NOTCH2NLA: variants seen among roughly 807,000 people sequenced by gnomAD.
NOTCH2NLA encodes notch 2 N-terminal like A, also known as notch homolog 2 N-terminal-like protein A.
At chr1:146,154,006 T>TACACACACACACACACAC (rs376685172), downstream of NOTCH2NLA, 2 of 91,368 alleles carry the variant, frequency 2.2e-5, no homozygotes, top group Non-Finnish European at 4.5e-5. Flanking sequence ...CACAACGCCA[T>TACACACACACACACACAC]ACACACACAC....
At chr1:146,194,914 A>G (rs587626773) in intron 1 of NOTCH2NLA, among the ~76,000 whole-genome samples, 3 of 112,548 alleles carry the variant, frequency 2.7e-5, no homozygotes, top group South Asian at 5.8e-4. Context: ...TCCTCCATGC[A>G]TGTCTGTGCT....
chr1:146,153,063 AC>A (rs1195803308), downstream of NOTCH2NLA: 3 of 61,442 alleles, frequency 4.9e-5, no homozygotes, highest in Admixed American at 6.2e-4. Context: ...GTATACAAGG[AC>A]AAAAGGAGAG....
In NOTCH2NLA at chr1:146,175,595, CAT is replaced by C. The variant is rs1305200199; in HGVS notation, c.39-10587_39-10586del. Among the ~76,000 whole-genome samples, 7 of 142,212 alleles carry C rather than the reference CAT, an allele frequency of 4.9e-5. 1 individual carries two copies. Among genetic ancestry groups the C allele is most frequent in the Admixed American group, 2.2e-4 (3 of 13,728 alleles). 93.3% of individuals were successfully genotyped at this position (142,212 alleles called of 152,430 possible). A position where few individuals can be genotyped will look rare whatever the true frequency, so the allele number is the denominator to read the frequency against. On this transcript the variant is annotated intron_variant, in intron 2 of 4. Transcript: ENST00000362074. Reference sequence around the variant, plus strand: ...TCACTCTCACACACGTACACACACACATACACACTTTTATCACAACCAATACA... The same window carrying C: ...TCACTCTCACACACGTACACACACACACACACTTTTATCACAACCAATACA...
At chr1:146,154,006 T>TATACACACACAC (rs1331429274), downstream of NOTCH2NLA, 1 of 91,368 alleles carries the variant, frequency 1.1e-5, no homozygotes, top group African/African-American at 4.5e-5. Context: ...CACAACGCCA[T>TATACACACACAC]ACACACACAC....
intron 2 of NOTCH2NLA, among the ~76,000 whole-genome samples, chr1:146,172,829 T>C (rs1553807297): frequency 6.9e-6 from 1 of 145,254 alleles, no homozygotes; most frequent in African/African-American, 2.4e-5. Context: ...AGACCCTGTC[T>C]TGAACCCTTG....
At chr1:146,174,524 C>T (rs1322284210) in intron 2 of NOTCH2NLA, among the ~76,000 whole-genome samples, 2 of 147,386 alleles carry the variant, frequency 1.4e-5, no homozygotes, top group Non-Finnish European at 3.0e-5. Flanking sequence ...TACAAAACAG[C>T]TATTTCAAAG....
In NOTCH2NLA at chr1:146,180,325, T is replaced by A. The variant is rs1339379254; in HGVS notation, c.38+8975A>T. The stretch of plus-strand genomic sequence containing the variant: ...GCTATAGTTGAATGTGTTCACTGAA[T>A]AATATCACCCATCACTTAAATAATG... On this transcript the variant is annotated intron_variant, in intron 2 of 4. Coordinates refer to ENST00000362074, the Ensembl canonical transcript of NOTCH2NLA. Among the ~76,000 whole-genome samples the A allele has an allele frequency of 2.8e-5, 4 of 142,590 alleles. No individual in the cohort carries two copies. The East Asian group carries it at 7.7e-4, about 28-fold the overall frequency. 93.5% of individuals were successfully genotyped at this position (142,590 alleles called of 152,430 possible). A position where few individuals can be genotyped will look rare whatever the true frequency, so the allele number is the denominator to read the frequency against.
chr1:146,172,686 C>A (rs2102297638), intron 2 of NOTCH2NLA, among the ~76,000 whole-genome samples: 1 of 151,874 alleles, frequency 6.6e-6, no homozygotes, highest in East Asian at 1.9e-4. Flanking sequence ...TGTCTCTGAT[C>A]CTTCCAACAG....
chr1:146,185,872 ATATT>A (rs1662733976), intron 2 of NOTCH2NLA, among the ~76,000 whole-genome samples: 1 of 136,836 alleles, frequency 7.3e-6, no homozygotes, highest in African/African-American at 2.5e-5. Context: ...TTCTGTTTTA[ATATT>A]TATTTTCTAT....
In NOTCH2NLA at chr1:146,180,309, G is replaced by A. The variant is rs1662479836; in HGVS notation, c.38+8991C>T. 1.4e-5 allele frequency among the ~76,000 whole-genome samples: 2 copies of A among 143,054 alleles called. 1 individual carries two copies. The highest frequency in any genetic ancestry group is 3.2e-5 in the Non-Finnish European group (2 of 62,568). The allele number at this position is 143,054 out of a possible 152,430, so 93.8% of individuals were successfully genotyped here. On this transcript the variant is annotated intron_variant, in intron 2 of 4. Coordinates refer to ENST00000362074, the Ensembl canonical transcript of NOTCH2NLA. ...AAAAACTGGATAGAATGCTATAGTT[G>A]AATGTGTTCACTGAATAATATCACC...
intron 3 of NOTCH2NLA, among the ~76,000 whole-genome samples, chr1:146,159,075 G>A (rs1313578303): frequency 7.0e-4 from 106 of 152,174 alleles, no homozygotes; most frequent in African/African-American, 2.1e-3. Flanking sequence ...AAAGATCCCC[G>A]GGCCGGAAGT....
At chr1:146,158,457 T>C (rs2102269426) in intron 3 of NOTCH2NLA, among the ~76,000 whole-genome samples, 1 of 151,840 alleles carries the variant, frequency 6.6e-6, no homozygotes, top group Admixed American at 6.6e-5. Flanking sequence ...AGAATGATGG[T>C]TTCCAGCTTC....
downstream of NOTCH2NLA, chr1:146,154,058 C>CAT (rs1220325536): frequency 3.0e-5 from 3 of 100,720 alleles, no homozygotes; most frequent in Non-Finnish European, 6.0e-5. Flanking sequence ...CACACACACA[C>CAT]ATATTGATAT....
At chr1:146,185,923 T>A (rs1277700632) in intron 2 of NOTCH2NLA, among the ~76,000 whole-genome samples, 8 of 136,066 alleles carry the variant, frequency 5.9e-5, no homozygotes, top group Admixed American at 2.3e-4. Context: ...AGCTAGATCA[T>A]CTTCTTTCTC....
intron 3 of NOTCH2NLA, among the ~76,000 whole-genome samples, chr1:146,161,808 G>A (rs1430273366): frequency 7.2e-5 from 4 of 55,366 alleles, no homozygotes; most frequent in Non-Finnish European, 1.2e-4. Flanking sequence ...ACTCCAGAAC[G>A]GAGGTAAGAA....
chr1:146,195,053 A>G lies in NOTCH2NLA; in HGVS notation c.-44-5672T>C, dbSNP rs1282495027. 1.9e-5 allele frequency among the ~76,000 whole-genome samples: 2 copies of G among 106,572 alleles called. 1 individual carries two copies. Among genetic ancestry groups the G allele is most frequent in the Non-Finnish European group, 3.7e-5 (2 of 53,658 alleles). The allele number at this position is 106,572 out of a possible 152,430, so 69.9% of individuals were successfully genotyped here. The stretch of plus-strand genomic sequence containing the variant: ...GGTCCTCACAGGGCCACCCCCCCCC[A>G]TCCTTGTAACACTCATGACTCTCAA... On this transcript the variant is annotated intron_variant, in intron 1 of 4. Coordinates refer to ENST00000362074, the Ensembl canonical transcript of NOTCH2NLA.
intron 2 of NOTCH2NLA, among the ~76,000 whole-genome samples, chr1:146,185,819 G>A (rs1662730760): frequency 7.4e-6 from 1 of 135,004 alleles, no homozygotes; most frequent in African/African-American, 2.5e-5. Context: ...TGAATAAAAA[G>A]ATAATCACAT....
chr1:146,159,451 AAGAAAGAAAGAAAGGAAGGG>A (rs1661375621), intron 3 of NOTCH2NLA, among the ~76,000 whole-genome samples: 1 of 138,416 alleles, frequency 7.2e-6, no homozygotes, highest in African/African-American at 2.6e-5. Flanking sequence ...AAGAAAGAGA[AAGAAAGAAAGAAAGGAAGGG>A]AGAAAGAAAG....
At position 146,161,826 on chromosome 1, in the gene NOTCH2NLA, T is replaced by G. The variant is rs1300363224; in HGVS notation, c.298+2925A>C. Among the ~76,000 whole-genome samples the G allele has an allele frequency of 5.4e-4, 36 of 66,360 alleles. 7 individuals are homozygous for G. The highest frequency in any genetic ancestry group is 3.2e-3 in the African/African-American group (33 of 10,470). 43.5% of individuals were successfully genotyped at this position (66,360 alleles called of 152,430 possible). ...CCAGAACGGAGGTAAGAAAGAGTATTCATGGAATACAGGAGATCCATTAGG... is the reference window on the plus strand; with the variant it reads ...CCAGAACGGAGGTAAGAAAGAGTATGCATGGAATACAGGAGATCCATTAGG... On this transcript the variant is annotated intron_variant, in intron 3 of 4. Transcript: ENST00000362074.
Sources: gnomAD v4.1 joint callset for allele counts (sites outside exome capture counted in the v4.1 genomes callset) on GRCh38, gnomAD v4.1.1 for gene constraint, MANE v1.5 for transcripts, NCBI Gene and HGNC (gene_info 2026-07-23, HGNC 2026-07-21) for gene names.